MAP3K4: variants seen among roughly 807,000 people sequenced by gnomAD.
The protein encoded by MAP3K4 is mitogen-activated protein kinase kinase kinase 4, also known as MAP three kinase 1.
In MAP3K4, 67 loss-of-function variants were observed where a neutral mutation model predicts 185.6. That is an observed-to-expected ratio of 0.36 (90% CI 0.30 to 0.44). The LOEUF is 0.44. Ranked by LOEUF, MAP3K4 falls within the 20% of genes least tolerant of loss-of-function variation. The probability of loss-of-function intolerance (pLI) is 1.00; values close to 1 mark genes in which losing one functional copy is unlikely to be tolerated. For synonymous variants in MAP3K4, 702 were observed against 710.4 expected (o/e 0.99, Z 0.19); for missense variants, 1,551 against 1,995.1 (o/e 0.78, Z 4.24).
intron 3 of MAP3K4, among the ~76,000 whole-genome samples, chr6:161,065,892 C>T (rs9365247): frequency 0.66 from 92,090 of 138,902 alleles, 31,532 homozygotes; most frequent in Admixed American, 0.75. Context: ...GAGCCGAGAT[C>T]GCGCCACTGC....
chr6:161,048,593 C>T lies in MAP3K4; in HGVS notation c.344-23C>T, dbSNP rs1275961104. 1 of 1,418,800 alleles carries T rather than the reference C, an allele frequency of 7.0e-7. No individual in the cohort carries two copies. The highest frequency in any genetic ancestry group is 1.5e-5 in the African/African-American group (1 of 67,912). The allele number at this position is 1,418,800 out of a possible 1,614,324, so 87.9% of individuals were successfully genotyped here. A position where few individuals can be genotyped will look rare whatever the true frequency, so the allele number is the denominator to read the frequency against. ...TCATATTTTAGAGTTATATAATGTT[C>T]TGTTTATTTTTTTTTTTAATAGAAA... On this transcript the variant is annotated intron_variant, in intron 2 of 26. Transcript: ENST00000392142. The surrounding 1 kb of genome is among the most constrained non-coding windows in gnomAD (Gnocchi z 4.7).
rs4708898 is a variant in MAP3K4 at position 161,103,955 on chromosome 6, A to G, written c.3856+1176A>G. ...GGGGGAGTTTTCCTAGGCTTGAGCCAGGTGACAGGAAGACAGTTTCTTCAG... is the reference window on the plus strand; with the variant it reads ...GGGGGAGTTTTCCTAGGCTTGAGCCGGGTGACAGGAAGACAGTTTCTTCAG... On this transcript the variant is annotated intron_variant, in intron 19 of 26. Transcript: ENST00000392142. The surrounding 1 kb of genome is among the most constrained non-coding windows in gnomAD (Gnocchi z 4.6). Among the ~76,000 whole-genome samples the G allele has an allele frequency of 0.9, 137,400 of 152,166 alleles. 62,148 individuals are homozygous for G. Among genetic ancestry groups the G allele is most frequent in the East Asian group, 0.99 (5,125 of 5,168 alleles).
At position 161,075,847 on chromosome 6, in the gene MAP3K4, T is replaced by C. The variant is rs1785150647; in HGVS notation, c.2097+2235T>C. ...AGATGAAAAAACTAGAGACTGTCAG[T>C]GTTTTAAAATTATGGCCTATAATGT... On this transcript the variant is annotated intron_variant, in intron 5 of 26. Coordinates refer to ENST00000392142, the MANE Select transcript of MAP3K4 (RefSeq NM_005922.4). This position sits in a 1 kb window ranked among gnomAD's most constrained non-coding sequence, Gnocchi z 4.3. Among the ~76,000 whole-genome samples, 1 of 152,196 alleles carries C rather than the reference T, an allele frequency of 6.6e-6. No homozygotes were observed. The highest frequency in any genetic ancestry group is 2.1e-4 in the South Asian group (1 of 4,830).
chr6:160,997,138 C>CT (rs1381518077), intron 1 of MAP3K4, among the ~76,000 whole-genome samples: 1 of 152,074 alleles, frequency 6.6e-6, no homozygotes, highest in Non-Finnish European at 1.5e-5. Context: ...ATCCTTCTCA[C>CT]TTTAAGATTT....
At chr6:161,104,016 A>G (rs1366839528) in intron 19 of MAP3K4, among the ~76,000 whole-genome samples, 2 of 152,200 alleles carry the variant, frequency 1.3e-5, no homozygotes, top group Non-Finnish European at 1.5e-5. Context: ...CACGGATACC[A>G]GGTCTTTGCC....
intron 2 of MAP3K4, among the ~76,000 whole-genome samples, chr6:161,044,848 A>T (rs1783649988): frequency 6.6e-6 from 1 of 152,174 alleles, no homozygotes; most frequent in Non-Finnish European, 1.5e-5. Flanking sequence ...GGAACAAGAG[A>T]GAGCTCTCAC....
In MAP3K4 at chr6:161,108,675, C is replaced by G. The variant is rs1778215480; in HGVS notation, c.4120-68C>G. ...ATTTATGGGGTGCAAAATGATGTTT[C>G]AGTGTATGTGTATAATGTAGAGTGA... On this transcript the variant is annotated intron_variant, in intron 21 of 26. Coordinates refer to ENST00000392142, the MANE Select transcript of MAP3K4 (RefSeq NM_005922.4). This position sits in a 1 kb window ranked among gnomAD's most constrained non-coding sequence, Gnocchi z 5.7. 1.2e-5 allele frequency: 10 copies of G among 850,286 alleles called. No individual in the cohort carries two copies. Among genetic ancestry groups the G allele is most frequent in the Non-Finnish European group, 2.0e-5 (10 of 496,198 alleles). 52.7% of individuals were successfully genotyped at this position (850,286 alleles called of 1,614,324 possible).
At chr6:161,044,263 G>C (rs904079161) in intron 2 of MAP3K4, among the ~76,000 whole-genome samples, 1 of 152,164 alleles carries the variant, frequency 6.6e-6, no homozygotes, top group Non-Finnish European at 1.5e-5. Flanking sequence ...CCTGTAATTA[G>C]AACTTGCCAA....
At chr6:161,041,173 G>T (rs180755720) in intron 2 of MAP3K4, among the ~76,000 whole-genome samples, 172 of 152,350 alleles carry the variant, frequency 1.1e-3, no homozygotes, top group African/African-American at 4.1e-3. Flanking sequence ...AGGAGGACCA[G>T]CCCTACCTCC....
At chr6:161,062,438 G>T (rs1394276357) in intron 3 of MAP3K4, among the ~76,000 whole-genome samples, 1 of 152,138 alleles carries the variant, frequency 6.6e-6, no homozygotes, top group African/African-American at 2.4e-5. Flanking sequence ...CATGTAGATA[G>T]AAGTTTCAGA....
At position 161,049,345 on chromosome 6, in the gene MAP3K4, T is replaced by C. The variant is rs1164186439; in HGVS notation, c.1073T>C (p.Met358Thr). Residue 358 changes from methionine to threonine, a missense_variant, in exon 3 of 27, where the codon ATG becomes ACG. Around this residue, in one of 16 missense-constraint regions of MAP3K4, gnomAD observed 93 missense variants for 96.7 expected, o/e 0.96. Transcript: ENST00000392142. The surrounding 1 kb of genome is among the most constrained non-coding windows in gnomAD (Gnocchi z 8.4). ...RVSFEQVKRI[M>T]ELLEYIEALY... ...TCATTTGAGCAGGTAAAACGGATAA[T>C]GGAGCTGCTAGAGTACATAGAAGCA... 1.2e-6 allele frequency: 2 copies of C among 1,614,076 alleles called. No homozygotes were observed. Among genetic ancestry groups the C allele is most frequent in the African/African-American group, 1.3e-5 (1 of 74,932 alleles).
At chr6:161,046,048 T>G (rs550795706) in intron 2 of MAP3K4, among the ~76,000 whole-genome samples, 243 of 152,264 alleles carry the variant, frequency 1.6e-3, no homozygotes, top group Non-Finnish European at 3.0e-3. Flanking sequence ...AACATGTGTG[T>G]TTTTTTAGTT....
rs769983842 is a variant in MAP3K4, at chr6:161,101,855, T to A, written c.3675-37T>A. On this transcript the variant is annotated intron_variant, in intron 17 of 26. Transcript: ENST00000392142. The surrounding 1 kb of genome is among the most constrained non-coding windows in gnomAD (Gnocchi z 5.1). Reference sequence around the variant, plus strand: ...GCAGATCTTTCATTTTAAGTTCTATTGAATTGATAGCTCAATTATTAAAAA... The same window carrying A: ...GCAGATCTTTCATTTTAAGTTCTATAGAATTGATAGCTCAATTATTAAAAA... 2 of 1,513,904 alleles carry A rather than the reference T, an allele frequency of 1.3e-6. No individual in the cohort carries two copies. The highest frequency in any genetic ancestry group is 4.5e-5 in the East Asian group (2 of 44,394). The allele number at this position is 1,513,904 out of a possible 1,614,324, so 93.8% of individuals were successfully genotyped here.
Position 161,059,955 on chromosome 6 carries a change from A to AT in MAP3K4, c.1707+9980dup, listed in dbSNP as rs531781622. 4.6e-3 allele frequency among the ~76,000 whole-genome samples: 684 copies of AT among 149,228 alleles called. 6 individuals are homozygous for AT. Among genetic ancestry groups the AT allele is most frequent in the African/African-American group, 0.016 (651 of 40,590 alleles). ...TATCCCAGTTGCCCCACATGTTTCT[A>AT]TTTTCTGTGTCTTCTCTGTGAATTG... is the stretch of plus-strand genomic sequence containing the variant. On this transcript the variant is annotated intron_variant, in intron 3 of 26. Coordinates refer to ENST00000392142, the MANE Select transcript of MAP3K4 (RefSeq NM_005922.4).
At position 161,093,045 on chromosome 6, in the gene MAP3K4, G is replaced by A; in HGVS notation, c.3337G>A (p.Asp1113Asn). The change falls in exon 14 of 27, where the codon GAT (aspartate) becomes AAT (asparagine). Residue 1113 changes from aspartate (D) to asparagine (N), a missense_variant. This residue lies in a region of MAP3K4 where 272 missense variants were observed against 301.2 expected (regional missense o/e 0.90). Coordinates refer to ENST00000392142, the MANE Select transcript of MAP3K4 (RefSeq NM_005922.4). This position sits in a 1 kb window ranked among gnomAD's most constrained non-coding sequence, Gnocchi z 5.2. ...EPAFISALPE[D>N]DFLSLQALMN... ...TGCCTTTATTTCAGCTTTACCAGAA[G>A]ATGACTTCTTGGTATGGATTATTCT... The A allele has an allele frequency of 6.2e-7, 1 of 1,612,008 alleles. No homozygotes were observed. Among genetic ancestry groups the A allele is most frequent in the Non-Finnish European group, 8.5e-7 (1 of 1,178,352 alleles).
intron 19 of MAP3K4, 33 bp downstream of exon 19, chr6:161,102,812 A>G: frequency 7.1e-7 from 1 of 1,411,176 alleles, no homozygotes; most frequent in East Asian, 2.4e-5. Context: ...TAAAAAAAAA[A>G]AAAAAAAAAA....
rs1785157335 is a variant in MAP3K4, at chr6:161,075,994, C to T, written c.2097+2382C>T. Among the ~76,000 whole-genome samples, 1 of 152,004 alleles carries T rather than the reference C, an allele frequency of 6.6e-6. No individual in the cohort carries two copies. Among genetic ancestry groups the T allele is most frequent in the Non-Finnish European group, 1.5e-5 (1 of 67,994 alleles). Reference sequence around the variant, plus strand: ...ATTGGCAGTCAAATTATGTTTAACACCCTTGTCTGGAAACCCACCGAAAAC... The same window carrying T: ...ATTGGCAGTCAAATTATGTTTAACATCCTTGTCTGGAAACCCACCGAAAAC... On this transcript the variant is annotated intron_variant, in intron 5 of 26. Coordinates refer to ENST00000392142, the MANE Select transcript of MAP3K4 (RefSeq NM_005922.4). The surrounding 1 kb of genome is among the most constrained non-coding windows in gnomAD (Gnocchi z 4.3).
At chr6:161,027,460 G>A (rs1228059247) in intron 1 of MAP3K4, among the ~76,000 whole-genome samples, 1 of 152,192 alleles carries the variant, frequency 6.6e-6, no homozygotes, top group Non-Finnish European at 1.5e-5. Context: ...CAAATTAGGT[G>A]TAAGAGAGAA....
In MAP3K4 at chr6:161,091,949, G is replaced by T; in HGVS notation, c.3136-61G>T. 7.4e-7 allele frequency: 1 copy of T among 1,356,198 alleles called. No homozygotes were observed. The allele number at this position is 1,356,198 out of a possible 1,614,324, so 84.0% of individuals were successfully genotyped here. A position where few individuals can be genotyped will look rare whatever the true frequency, so the allele number is the denominator to read the frequency against. ...AAAACATTTTAGACATGGCATTATA[G>T]TGTGTGATATTATTTAATGATCATT... is the stretch of plus-strand genomic sequence containing the variant. On this transcript the variant is annotated intron_variant, in intron 12 of 26. Transcript: ENST00000392142. This position sits in a 1 kb window ranked among gnomAD's most constrained non-coding sequence, Gnocchi z 5.5.
Sources: gnomAD v4.1 joint callset for allele counts (sites outside exome capture counted in the v4.1 genomes callset) on GRCh38, gnomAD v4.1.1 for gene constraint, gnomAD v4.1.1 regional missense constraint, Gnocchi (gnomAD v3.1) non-coding constraint, MANE v1.5 for transcripts, NCBI Gene and HGNC (gene_info 2026-07-23, HGNC 2026-07-21) for gene names.